Variants in MYO10 observed in about 807,000 individuals in gnomAD.
MYO10 encodes unconventional myosin-X.
In MYO10, 133 loss-of-function variants were observed where a neutral mutation model predicts 257.3. The ratio of observed to expected loss-of-function variants is 0.52; its 90% CI spans 0.45 to 0.60. The LOEUF (loss-of-function observed/expected upper bound fraction) is 0.60. Among genes scored for constraint, MYO10 ranks in the 20% least tolerant of loss-of-function variants. MYO10 has a pLI of 0.00. For synonymous variants in MYO10, 1,104 were observed against 1,028.6 expected, an observed-to-expected ratio of 1.07 and a Z score of -1.40; for missense variants, 2,399 against 2,635.7, an observed-to-expected ratio of 0.91 and a Z score of 1.97.
At chr5:16,730,670 CA>C (rs1233606441) in intron 19 of MYO10, among the ~76,000 whole-genome samples, 1 of 152,190 alleles carries the variant, frequency 6.6e-6, no homozygotes, top group African/African-American at 2.4e-5. Context: ...AAGCCAGAAA[CA>C]AAGACAGAAT....
intron 14 of MYO10, among the ~76,000 whole-genome samples, chr5:16,762,968 GA>G (rs35384200): frequency 0.37 from 43,383 of 117,552 alleles, 6,646 homozygotes; most frequent in Middle Eastern, 0.53. Flanking sequence ...CGTCTCAGGG[GA>G]AAAAAAAAAA....
intron 19 of MYO10, among the ~76,000 whole-genome samples, chr5:16,725,788 T>C (rs1397188761): frequency 2.0e-3 from 36 of 18,228 alleles, no homozygotes; most frequent in Non-Finnish European, 2.7e-3. Flanking sequence ...AGGTACCCCC[T>C]TTTTTTTTTT....
intron 1 of MYO10, among the ~76,000 whole-genome samples, chr5:16,909,865 C>T (rs971974431): frequency 6.6e-6 from 1 of 152,050 alleles, no homozygotes; most frequent in Non-Finnish European, 1.5e-5. Context: ...CCTATGAGAA[C>T]TGGTTGTTGA....
intron 22 of MYO10, 82 bp downstream of exon 22, chr5:16,704,497 G>A: frequency 8.1e-7 from 1 of 1,235,848 alleles, no homozygotes. Context: ...AAAAACCTCA[G>A]GCCACTCCAC....
chr5:16,829,789 A>G (rs1743109889), intron 2 of MYO10, among the ~76,000 whole-genome samples: 2 of 152,308 alleles, frequency 1.3e-5, no homozygotes, highest in South Asian at 4.1e-4. Flanking sequence ...GCAACCAGAA[A>G]GGCCTCGGTG....
intron 19 of MYO10, among the ~76,000 whole-genome samples, chr5:16,744,475 C>A (rs1176987209): frequency 6.6e-6 from 1 of 152,110 alleles, no homozygotes; most frequent in African/African-American, 2.4e-5. Flanking sequence ...GGTGGCTGTG[C>A]GATACCCTTC....
chr5:16,691,249 G>A (rs1001948284), intron 27 of MYO10, among the ~76,000 whole-genome samples: 1 of 142,992 alleles, frequency 7.0e-6, no homozygotes, highest in Non-Finnish European at 1.5e-5. Context: ...CAACCTGGGC[G>A]AAAGAGTGAG....
intron 29 of MYO10, 76 bp downstream of exon 29, chr5:16,685,662 C>CT: frequency 1.7e-6 from 2 of 1,165,240 alleles, no homozygotes. Flanking sequence ...CAATCTTTCC[C>CT]TTTTTTACCA....
intron 2 of MYO10, among the ~76,000 whole-genome samples, chr5:16,851,915 G>A (rs1313961659): frequency 1.3e-5 from 2 of 151,936 alleles, no homozygotes; most frequent in African/African-American, 2.4e-5. Flanking sequence ...GCTGGGCATG[G>A]TGGCAAGTGC....
chr5:16,720,746 C>A (rs947315902), intron 19 of MYO10, among the ~76,000 whole-genome samples: 1 of 152,212 alleles, frequency 6.6e-6, no homozygotes, highest in Non-Finnish European at 1.5e-5. Context: ...GCGTGAGCCA[C>A]CGCGCCCAGC....
At chr5:16,721,769 A>C (rs1579905881) in intron 19 of MYO10, among the ~76,000 whole-genome samples, 1 of 152,318 alleles carries the variant, frequency 6.6e-6, no homozygotes, top group East Asian at 1.9e-4. Flanking sequence ...TCGGACCCAC[A>C]CAAACCTCAA....
At chr5:16,797,872 G>T (rs927410239) in intron 3 of MYO10, among the ~76,000 whole-genome samples, 1 of 152,210 alleles carries the variant, frequency 6.6e-6, no homozygotes, top group Non-Finnish European at 1.5e-5. Context: ...TGGTTTGAAT[G>T]TTTGTCCCCT....
intron 27 of MYO10, among the ~76,000 whole-genome samples, chr5:16,693,087 C>T (rs1737577846): frequency 6.6e-6 from 1 of 151,974 alleles, no homozygotes; most frequent in Non-Finnish European, 1.5e-5. Context: ...GGCAACATGG[C>T]GAAACCCCGT....
At chr5:16,710,076 T>C (rs150627983) in intron 21 of MYO10, among the ~76,000 whole-genome samples, 2 of 152,338 alleles carry the variant, frequency 1.3e-5, no homozygotes, top group African/African-American at 4.8e-5. Flanking sequence ...CAGCATATTA[T>C]GAGTGGAAGC....
chr5:16,677,810 G>A (rs563017958), intron 33 of MYO10, among the ~76,000 whole-genome samples: 1 of 151,252 alleles, frequency 6.6e-6, no homozygotes, highest in Non-Finnish European at 1.5e-5. Context: ...GCCCAGGCTG[G>A]AGTGCAATGG....
chr5:16,762,143 A>AAATATATATATAT lies in MYO10; in HGVS notation c.1588-31_1588-30insATATATATATATT, dbSNP rs370443366. 4.7e-6 allele frequency: 5 copies of AAATATATATATAT among 1,055,844 alleles called. No homozygotes were observed. The African/African-American group carries it at 7.9e-5, about 17-fold the overall frequency. 65.4% of individuals were successfully genotyped at this position (1,055,844 alleles called of 1,614,324 possible). ...AAAAAAAAAAAAAAAAAAAAAAAAA[A>AAATATATATATAT]ATACAATGCCTTATTTCACTCACTG... On this transcript the variant is annotated intron_variant, in intron 15 of 40. Coordinates refer to ENST00000513610, the MANE Select transcript of MYO10 (RefSeq NM_012334.3).
intron 7 of MYO10, 35 bp downstream of exon 7, chr5:16,780,693 T>C (rs1741396977): frequency 9.6e-6 from 15 of 1,554,506 alleles, no homozygotes; most frequent in Non-Finnish European, 1.2e-5. Flanking sequence ...ATTGTTATTA[T>C]GGAAGAAAAT....
intron 1 of MYO10, among the ~76,000 whole-genome samples, chr5:16,909,705 T>C (rs551673369): frequency 6.6e-6 from 1 of 152,046 alleles, no homozygotes; most frequent in Non-Finnish European, 1.5e-5. Flanking sequence ...ACATGATTTG[T>C]TTAGCCCTAC....
chr5:16,697,085 C>T (rs970036994), intron 26 of MYO10, among the ~76,000 whole-genome samples: 2 of 152,124 alleles, frequency 1.3e-5, no homozygotes, highest in African/African-American at 4.8e-5. Context: ...CCAGTGCTGG[C>T]TACCTCACCC....
Sources: allele counts gnomAD v4.1 joint callset (sites outside exome capture counted in the v4.1 genomes callset), GRCh38; gene constraint gnomAD v4.1.1; transcripts MANE v1.5; gene names NCBI Gene and HGNC (gene_info 2026-07-23, HGNC 2026-07-21).